CLEC16A: variants seen among roughly 807,000 people sequenced by gnomAD.
CLEC16A encodes the protein protein CLEC16A.
A neutral mutation model predicts 109.5 loss-of-function variants in CLEC16A; 51 were observed. The ratio of observed to expected loss-of-function variants is 0.47; its 90% CI spans 0.37 to 0.59. CLEC16A has a LOEUF of 0.59. Ranked by LOEUF, CLEC16A falls within the 20% of genes least tolerant of loss-of-function variation. The pLI is 0.00. For missense variants in CLEC16A, 1,339 were observed against 1,394.0 expected, an observed-to-expected ratio of 0.96 and a Z score of 0.63; for synonymous variants, 673 against 564.2, an observed-to-expected ratio of 1.19 and a Z score of -2.73.
At chr16:10,960,322 T>A (rs1181720335) in intron 2 of CLEC16A, among the ~76,000 whole-genome samples, 1 of 152,236 alleles carries the variant, frequency 6.6e-6, no homozygotes, top group African/African-American at 2.4e-5. Flanking sequence ...GACTCTTTTT[T>A]AGTCTTCCAT....
At chr16:11,118,950 T>C (rs901538692) in intron 19 of CLEC16A, among the ~76,000 whole-genome samples, 2 of 152,210 alleles carry the variant, frequency 1.3e-5, no homozygotes, top group Non-Finnish European at 2.9e-5. Context: ...TGACTGTAAA[T>C]ATGTGGCTTT....
At chr16:11,145,651 C>T (rs567201146) in intron 22 of CLEC16A, among the ~76,000 whole-genome samples, 1 of 152,254 alleles carries the variant, frequency 6.6e-6, no homozygotes, top group Admixed American at 6.5e-5. Flanking sequence ...GGGCTGTGCC[C>T]CCATCAGTCT....
At chr16:11,130,447 A>G (rs2053127406) in intron 22 of CLEC16A, among the ~76,000 whole-genome samples, 1 of 152,212 alleles carries the variant, frequency 6.6e-6, no homozygotes, top group Non-Finnish European at 1.5e-5. Context: ...TCTGTCACCA[A>G]GCGAGCAAGA....
intron 3 of CLEC16A, among the ~76,000 whole-genome samples, chr16:10,968,794 A>T (rs971995837): frequency 6.6e-6 from 1 of 152,184 alleles, no homozygotes; most frequent in Non-Finnish European, 1.5e-5. Context: ...AGAAGGGGGC[A>T]GCTTTTTACC....
intron 19 of CLEC16A, among the ~76,000 whole-genome samples, chr16:11,103,354 C>T (rs1051615627): frequency 4.6e-5 from 7 of 152,100 alleles, no homozygotes; most frequent in African/African-American, 9.7e-5. Context: ...CTGAGGTGGG[C>T]GGATCACCTG....
intron 9 of CLEC16A, 23 bp from the exon 10 acceptor site, chr16:10,982,855 C>G: frequency 2.2e-6 from 3 of 1,376,146 alleles, no homozygotes; most frequent in Non-Finnish European, 3.1e-6. Flanking sequence ...TCATGCAAAT[C>G]CCGTTTCTTT....
intron 12 of CLEC16A, among the ~76,000 whole-genome samples, chr16:11,021,199 A>G (rs2046078732): frequency 6.6e-6 from 1 of 152,212 alleles, no homozygotes; most frequent in African/African-American, 2.4e-5. Context: ...TTTCCTCCAC[A>G]TCTTATTTGT....
At chr16:10,970,131 C>A (rs1345188827) in intron 4 of CLEC16A, among the ~76,000 whole-genome samples, 2 of 152,204 alleles carry the variant, frequency 1.3e-5, no homozygotes, top group East Asian at 3.8e-4. Flanking sequence ...GGGGCTGGTT[C>A]ATCCTGTGGT....
rs767629845 is a variant in CLEC16A, at chr16:11,051,463, C to T, written c.1867-50C>T. 12 of 1,584,720 alleles carry T rather than the reference C, an allele frequency of 7.6e-6. No individual in the cohort carries two copies. In the African/African-American group the frequency reaches 1.5e-4, roughly 20 times the overall value. On this transcript the variant is annotated intron_variant, in intron 17 of 23. Coordinates refer to ENST00000409790, the MANE Select transcript of CLEC16A (RefSeq NM_015226.3). ...GTGCAACCTCCCCCGGCCCCTTCCT[C>T]CTTCCAAGTAAGGAATCTGCTTTGA...
chr16:11,088,120 C>T (rs1481621936), intron 19 of CLEC16A, among the ~76,000 whole-genome samples: 1 of 152,268 alleles, frequency 6.6e-6, no homozygotes, highest in Non-Finnish European at 1.5e-5. Flanking sequence ...CAGCCCCAGT[C>T]CCTCAGTGCG....
At chr16:11,037,660 C>T (rs1374025360) in intron 13 of CLEC16A, among the ~76,000 whole-genome samples, 1 of 152,152 alleles carries the variant, frequency 6.6e-6, no homozygotes, top group Non-Finnish European at 1.5e-5. Context: ...GCCACTGCCC[C>T]ATTCTAGAAG....
At chr16:11,019,756 C>G (rs1445038358) in intron 11 of CLEC16A, among the ~76,000 whole-genome samples, 1 of 137,184 alleles carries the variant, frequency 7.3e-6, no homozygotes, top group African/African-American at 2.8e-5. Flanking sequence ...GTGACAAGAG[C>G]GAGACTCTGT....
At position 11,120,758 on chromosome 16, in the gene CLEC16A, C is replaced by G; in HGVS notation, c.2260C>G (p.Leu754Val). Residue 754 changes from leucine to valine, a missense_variant, in exon 20 of 24, where the codon CTA becomes GTA. By Grantham distance (32) the Leu-to-Val change is conservative. Around this residue, in one of 3 missense-constraint regions of CLEC16A, gnomAD observed 1,061 missense variants for 1,006.8 expected, o/e 1.05. Coordinates refer to ENST00000409790, the MANE Select transcript of CLEC16A (RefSeq NM_015226.3). Reference protein sequence around the residue: ...LGWGVVKFAGLLQDMQVTGVE... With the variant: ...LGWGVVKFAGVLQDMQVTGVE... Reference sequence around the variant, plus strand: ...CTGGGGAGTGGTCAAGTTTGCAGGCCTATTGCAGGTAAGATGGCCAGGAGC... The same window carrying G: ...CTGGGGAGTGGTCAAGTTTGCAGGCGTATTGCAGGTAAGATGGCCAGGAGC... 1 of 1,545,052 alleles carries G rather than the reference C, an allele frequency of 6.5e-7. No homozygotes were observed. Among genetic ancestry groups the G allele is most frequent in the Non-Finnish European group, 8.8e-7 (1 of 1,141,158 alleles).
intron 13 of CLEC16A, among the ~76,000 whole-genome samples, chr16:11,034,840 A>C (rs571490814): frequency 6.6e-6 from 1 of 152,272 alleles, no homozygotes; most frequent in Non-Finnish European, 1.5e-5. Context: ...CAAAGAAGCT[A>C]TTGGGTTTGC....
intron 17 of CLEC16A, among the ~76,000 whole-genome samples, chr16:11,050,083 T>G (rs1353707186): frequency 6.6e-6 from 1 of 152,168 alleles, no homozygotes; most frequent in Non-Finnish European, 1.5e-5. Flanking sequence ...GGCTGGGAAG[T>G]CCAATATCAG....
At chr16:11,001,144 G>A (rs1227578572) in intron 10 of CLEC16A, among the ~76,000 whole-genome samples, 1 of 151,912 alleles carries the variant, frequency 6.6e-6, no homozygotes, top group Admixed American at 6.6e-5. Flanking sequence ...TCCTGGGCTA[G>A]AGTGCAGTGG....
intron 18 of CLEC16A, among the ~76,000 whole-genome samples, chr16:11,059,849 G>T (rs527560123): frequency 2.6e-5 from 4 of 152,340 alleles, no homozygotes; most frequent in African/African-American, 9.6e-5. Context: ...GAAGTCAGGG[G>T]ACTTGCCCAG....
intron 13 of CLEC16A, among the ~76,000 whole-genome samples, chr16:11,032,189 C>A (rs1309363390): frequency 6.6e-6 from 1 of 152,226 alleles, no homozygotes; most frequent in Non-Finnish European, 1.5e-5. Flanking sequence ...TGTGGCATAT[C>A]CATCAGATCA....
intron 19 of CLEC16A, among the ~76,000 whole-genome samples, chr16:11,120,091 T>G (rs2052293889): frequency 6.6e-6 from 1 of 152,222 alleles, no homozygotes; most frequent in South Asian, 2.1e-4. Context: ...TGCCTCAGCC[T>G]CCCAAGTAGC....
Sources: allele counts gnomAD v4.1 joint callset (sites outside exome capture counted in the v4.1 genomes callset), GRCh38; gene constraint gnomAD v4.1.1; regional missense constraint gnomAD v4.1.1; transcripts MANE v1.5; gene names NCBI Gene and HGNC (gene_info 2026-07-23, HGNC 2026-07-21).